The following RGS9 variants were observed in gnomAD, a reference collection of about 807,000 sequenced individuals.
RGS9 encodes the protein regulator of G-protein signalling 9.
RGS9 carries 78 observed loss-of-function variants against 102.0 expected under a neutral mutation model. That is an observed-to-expected ratio of 0.76 (90% CI 0.64 to 0.92). RGS9 has a LOEUF of 0.92. Among genes scored for constraint, RGS9 ranks in the 40% least tolerant of loss-of-function variants. RGS9 has a pLI of 0.00. For synonymous variants in RGS9, 353 were observed against 318.6 expected (o/e 1.11, Z -1.15); for missense variants, 833 against 866.1 (o/e 0.96, Z 0.48).
At chr17:65,211,909 C>T (rs578178139) in intron 17 of RGS9, among the ~76,000 whole-genome samples, 1 of 152,296 alleles carries the variant, frequency 6.6e-6, no homozygotes, top group Admixed American at 6.5e-5. Flanking sequence ...CAACATTCAG[C>T]AAGTGTTCAT....
At chr17:65,204,116 A>C (rs767397981) in intron 14 of RGS9, 47 bp from the exon 15 acceptor site, 11 of 1,610,054 alleles carry the variant, frequency 6.8e-6, no homozygotes, top group Non-Finnish European at 9.3e-6. Context: ...CTATCCATGA[A>C]TTGACTTGGT....
In RGS9 at chr17:65,173,640, G is replaced by C. The variant is rs908524181; in HGVS notation, c.583-4092G>C. Among the ~76,000 whole-genome samples, 2 of 152,244 alleles carry C rather than the reference G, an allele frequency of 1.3e-5. No homozygotes were observed. The highest frequency in any genetic ancestry group is 4.8e-5 in the African/African-American group (2 of 41,464). On this transcript the variant is annotated intron_variant, in intron 8 of 18. Transcript: ENST00000262406. This position sits in a 1 kb window ranked among gnomAD's most constrained non-coding sequence, Gnocchi z 4.8. ...TGAAGGCTTCCTGCATGAGGCACCA[G>C]GGCAGAAAGTGCCTGCTGCCTCCTT... is the stretch of plus-strand genomic sequence containing the variant.
intron 13 of RGS9, among the ~76,000 whole-genome samples, chr17:65,200,063 G>C (rs1912767845): frequency 6.6e-6 from 1 of 151,568 alleles, no homozygotes; most frequent in Admixed American, 6.6e-5. Flanking sequence ...ACGGAGTCTT[G>C]CTCTGTCGCC....
intron 17 of RGS9, among the ~76,000 whole-genome samples, chr17:65,222,452 A>G (rs1241170383): frequency 1.3e-5 from 2 of 152,198 alleles, no homozygotes; most frequent in African/African-American, 2.4e-5. Context: ...GGAATCCTAC[A>G]TGCCACAGTC....
At chr17:65,195,187 C>T (rs1040565232) in intron 12 of RGS9, among the ~76,000 whole-genome samples, 8 of 152,162 alleles carry the variant, frequency 5.3e-5, no homozygotes, top group African/African-American at 1.7e-4. Context: ...GCTGGCTCTC[C>T]CTGGAGGAGA....
chr17:65,225,878 C>T (rs181489958), intron 18 of RGS9, among the ~76,000 whole-genome samples: 1 of 152,312 alleles, frequency 6.6e-6, no homozygotes, highest in Non-Finnish European at 1.5e-5. Flanking sequence ...CCTGGGCATG[C>T]TTCTGGGTGC....
rs753463384 is a variant in RGS9, at chr17:65,160,556, C to G, written c.333C>G (p.Thr111=). The G allele has an allele frequency of 1.3e-5, 21 of 1,614,090 alleles. No individual in the cohort carries two copies. In the East Asian group the frequency reaches 4.2e-4, roughly 33 times the overall value. The change falls in exon 5 of 19, where the codon ACC becomes ACG. Residue 111 remains threonine, a synonymous_variant. Coordinates refer to ENST00000262406, the MANE Select transcript of RGS9 (RefSeq NM_003835.4). ...TGCAGACACCGTATTTCTGGCCCAC[C>G]CAGCAGTGGCCAGCTGAAGATACCG... The part of the protein sequence containing the change: ...YRFQTPYFWP[T]QQWPAEDTDY...
chr17:65,221,603 G>T (rs182850020), intron 17 of RGS9, among the ~76,000 whole-genome samples: 1 of 152,328 alleles, frequency 6.6e-6, no homozygotes, highest in African/African-American at 2.4e-5. Context: ...TATGAGCTCA[G>T]TTTTCCAGGA....
intron 1 of RGS9, among the ~76,000 whole-genome samples, chr17:65,149,138 TGTTG>T (rs149618632): frequency 1.3e-5 from 2 of 150,090 alleles, no homozygotes; most frequent in South Asian, 2.1e-4. Context: ...GTTTTTTTTT[TGTTG>T]TTGTTATGTT....
Position 65,137,485 on chromosome 17 carries a change from G to T in RGS9, c.-56G>T. On this transcript the variant is annotated 5_prime_UTR_variant, in exon 1 of 19. Coordinates refer to ENST00000262406, the MANE Select transcript of RGS9 (RefSeq NM_003835.4). ...CCAGGCTGCCTTTCGAACTTGGGGG[G>T]CTTCTCCTCTTGTCTCCCACTGGTG... is the stretch of plus-strand genomic sequence containing the variant. 1.3e-6 allele frequency: 2 copies of T among 1,569,284 alleles called. No homozygotes were observed.
chr17:65,189,790 T>C (rs1200273959), intron 10 of RGS9, among the ~76,000 whole-genome samples: 6 of 152,194 alleles, frequency 3.9e-5, no homozygotes, highest in Non-Finnish European at 8.8e-5. Flanking sequence ...GGGGATAACT[T>C]GCTTTGGCCA....
chr17:65,207,605 C>A (rs1365542911), intron 15 of RGS9, among the ~76,000 whole-genome samples: 1 of 152,136 alleles, frequency 6.6e-6, no homozygotes, highest in African/African-American at 2.4e-5. Flanking sequence ...GAATCACAGA[C>A]AATGTTGATA....
chr17:65,154,946 G>C (rs1020986603), intron 2 of RGS9, among the ~76,000 whole-genome samples: 1 of 152,184 alleles, frequency 6.6e-6, no homozygotes, highest in Non-Finnish European at 1.5e-5. Context: ...CTGGCTCACA[G>C]CTTCCCCTTT....
rs113419975 is a variant in RGS9, at chr17:65,183,192, G to A, written c.654+5389G>A. The stretch of plus-strand genomic sequence containing the variant: ...GGCATGAGTGCAGTGGCACAATCTC[G>A]GACCACTGCAACCTCCGCCTCCTGG... On this transcript the variant is annotated intron_variant, in intron 9 of 18. Coordinates refer to ENST00000262406, the MANE Select transcript of RGS9 (RefSeq NM_003835.4). Among the ~76,000 whole-genome samples the A allele has an allele frequency of 8.9e-3, 1,350 of 152,000 alleles. 19 individuals are homozygous for A. Among genetic ancestry groups the A allele is most frequent in the African/African-American group, 0.031 (1,291 of 41,412 alleles).
At chr17:65,225,559 A>T in intron 18 of RGS9, 73 bp downstream of exon 18, 1 of 1,595,882 alleles carries the variant, frequency 6.3e-7, no homozygotes, top group South Asian at 1.1e-5. Context: ...GTGAATATGC[A>T]TGCTTTGGGC....
chr17:65,172,718 AC>A (rs1911465676), intron 8 of RGS9, among the ~76,000 whole-genome samples: 1 of 152,012 alleles, frequency 6.6e-6, no homozygotes, highest in Admixed American at 6.6e-5. Flanking sequence ...AAATGATTAA[AC>A]CAATGAATGA....
At chr17:65,167,930 C>T (rs567107928) in intron 7 of RGS9, among the ~76,000 whole-genome samples, 1 of 152,138 alleles carries the variant, frequency 6.6e-6, no homozygotes. Context: ...GCATTCACCC[C>T]CTCTTCATTT....
At chr17:65,197,358 C>T in intron 13 of RGS9, 117 bp downstream of exon 13, 6 of 738,708 alleles carry the variant, frequency 8.1e-6, no homozygotes, top group Non-Finnish European at 9.5e-6. Flanking sequence ...TTTGCTTATG[C>T]CCTTAAACAG....
Position 65,206,405 on chromosome 17 carries a change from C to T in RGS9, c.1204-1517C>T, listed in dbSNP as rs143737334. On this transcript the variant is annotated intron_variant, in intron 15 of 18. Coordinates refer to ENST00000262406, the MANE Select transcript of RGS9 (RefSeq NM_003835.4). ...CTTAAAAATGTAGTTTTCGGCTGGG[C>T]GCAGTGGCTCACGCCTGTAATCCCA... is the stretch of plus-strand genomic sequence containing the variant. 3.6e-3 allele frequency among the ~76,000 whole-genome samples: 552 copies of T among 152,164 alleles called. 2 individuals carry two copies. Among genetic ancestry groups the T allele is most frequent in the African/African-American group, 0.013 (526 of 41,466 alleles).
Sources: gnomAD v4.1 joint callset for allele counts (sites outside exome capture counted in the v4.1 genomes callset) on GRCh38, gnomAD v4.1.1 for gene constraint, Gnocchi (gnomAD v3.1) non-coding constraint, MANE v1.5 for transcripts, NCBI Gene and HGNC (gene_info 2026-07-23, HGNC 2026-07-21) for gene names.